Variants in SPATA1 observed in about 807,000 individuals in gnomAD.
SPATA1 encodes spermatogenesis associated 1, also known as spermatogenesis-associated protein 1.
Under a neutral mutation model 59.6 loss-of-function variants are expected in SPATA1, and 57 were observed. The observed-to-expected ratio is 0.96, with a 90% CI of 0.77 to 1.19. The LOEUF is 1.19. Among genes scored for constraint, SPATA1 ranks in the 50% most tolerant of loss-of-function variants. The pLI is 0.00. For missense variants in SPATA1, 448 were observed against 480.7 expected, an observed-to-expected ratio of 0.93 and a Z score of 0.64; for synonymous variants, 147 against 163.9, an observed-to-expected ratio of 0.90 and a Z score of 0.79.
intron 6 of SPATA1, among the ~76,000 whole-genome samples, chr1:84,531,188 A>G (rs1683449437): frequency 6.6e-6 from 1 of 152,062 alleles, no homozygotes; most frequent in Admixed American, 6.6e-5. Flanking sequence ...TGTTTGAGAC[A>G]GGGTCTCTCT....
intron 4 of SPATA1, chr1:84,564,031 T>TGTTTTCTCCTATTCAA: frequency 4.8e-6 from 1 of 209,742 alleles, no homozygotes; most frequent in Non-Finnish European, 8.3e-6. Flanking sequence ...TCTCTTTGAA[T>TGTTTTCTCCTATTCAA]AGGAGAAAAC....
At chr1:84,511,491 A>G (rs1351519920) in intron 1 of SPATA1, among the ~76,000 whole-genome samples, 3 of 151,746 alleles carry the variant, frequency 2.0e-5, no homozygotes, top group East Asian at 3.9e-4. Flanking sequence ...TCATTCCTCA[A>G]TTGGCTCTAG....
chr1:84,531,718 C>T (rs1165831620), intron 6 of SPATA1, among the ~76,000 whole-genome samples: 1 of 151,750 alleles, frequency 6.6e-6, no homozygotes, highest in African/African-American at 2.4e-5. Flanking sequence ...GGAACACAGG[C>T]ATGCACCACC....
At chr1:84,546,043 A>G (rs768446842) in intron 10 of SPATA1, among the ~76,000 whole-genome samples, 2 of 152,200 alleles carry the variant, frequency 1.3e-5, no homozygotes, top group Admixed American at 6.5e-5. Flanking sequence ...TCAAATGCCT[A>G]TTGAATCTGG....
At chr1:84,559,348 C>T (rs77227665), downstream of SPATA1, among the ~76,000 whole-genome samples, 3,916 of 152,258 alleles carry the variant, frequency 0.026, 81 homozygotes, top group Non-Finnish European at 0.043. Flanking sequence ...TGGCTAGGCG[C>T]GGTAGCTCAC....
At chr1:84,553,013 TGAAAAGTAA>T in intron 12 of SPATA1, 1 of 1,456,394 alleles carries the variant, frequency 6.9e-7, no homozygotes, top group Admixed American at 2.4e-5. Context: ...AGTTCATTTT[TGAAAAGTAA>T]TTCTTTTTAT....
chr1:84,549,354 G>A (rs1252459615), intron 11 of SPATA1, among the ~76,000 whole-genome samples: 1 of 152,042 alleles, frequency 6.6e-6, no homozygotes, highest in African/African-American at 2.4e-5. Flanking sequence ...CCTACCCCTG[G>A]ATGAGAAATA....
downstream of SPATA1, among the ~76,000 whole-genome samples, chr1:84,559,196 G>C (rs1456750773): frequency 2.6e-5 from 4 of 152,062 alleles, no homozygotes; most frequent in Non-Finnish European, 5.9e-5. Context: ...GTCACATTTT[G>C]GCAATTCTTA....
At chr1:84,540,597 T>C (rs1002827666) in intron 8 of SPATA1, among the ~76,000 whole-genome samples, 2 of 152,236 alleles carry the variant, frequency 1.3e-5, no homozygotes, top group Non-Finnish European at 2.9e-5. Flanking sequence ...CGTAGTCTTA[T>C]ACCCTCACTT....
Position 84,563,806 on chromosome 1 carries a change from T to A in SPATA1, n.443-2055T>A, listed in dbSNP as rs148638389. 8.5e-4 allele frequency: 1,367 copies of A among 1,608,306 alleles called. 2 individuals carry two copies. Among genetic ancestry groups the A allele is most frequent in the Admixed American group, 2.1e-3 (125 of 59,542 alleles). On this transcript the variant is annotated intron_variant and non_coding_transcript_variant, in intron 4 of 4. Coordinates refer to the SPATA1 transcript ENST00000460286. The stretch of plus-strand genomic sequence containing the variant: ...CCCATTACAAGTTTCTTAGGATTAA[T>A]GCTCATCTTGATGTAGTCATTATAT...
At chr1:84,554,695 T>C, downstream of SPATA1, 1 of 224,556 alleles carries the variant, frequency 4.5e-6, no homozygotes, top group Middle Eastern at 1.7e-3. Context: ...TATATTTTAC[T>C]ATAATGAAGG....
chr1:84,529,571 T>C (rs1283525880), intron 6 of SPATA1, among the ~76,000 whole-genome samples: 2 of 146,000 alleles, frequency 1.4e-5, no homozygotes, highest in African/African-American at 5.1e-5. Context: ...ATGCAGGTAA[T>C]ATGCCTTTTT....
chr1:84,538,045 C>T (rs1683770270), intron 8 of SPATA1, among the ~76,000 whole-genome samples: 1 of 152,162 alleles, frequency 6.6e-6, no homozygotes. Flanking sequence ...CATTACCAAC[C>T]TCCTGGACAA....
chr1:84,532,561 T>C (rs1683515200), intron 6 of SPATA1, among the ~76,000 whole-genome samples: 1 of 152,194 alleles, frequency 6.6e-6, no homozygotes, highest in Admixed American at 6.5e-5. Flanking sequence ...GATTTAGTTG[T>C]ACATGGAGAC....
At chr1:84,508,063 C>T (rs1051472578) in intron 1 of SPATA1, among the ~76,000 whole-genome samples, 7 of 152,084 alleles carry the variant, frequency 4.6e-5, no homozygotes, top group African/African-American at 4.8e-5. Context: ...GAGCAGATCA[C>T]GAGGTCAAGA....
intron 1 of SPATA1, 122 bp from the exon 2 acceptor site, chr1:84,516,101 C>T: frequency 2.7e-6 from 1 of 368,986 alleles, no homozygotes; most frequent in Non-Finnish European, 4.8e-6. Flanking sequence ...ATTACACAGT[C>T]CTATTTACTA....
chr1:84,549,322 C>T (rs1684197973), intron 11 of SPATA1, among the ~76,000 whole-genome samples: 2 of 152,058 alleles, frequency 1.3e-5, no homozygotes, highest in Non-Finnish European at 2.9e-5. Flanking sequence ...TTCCCTTTAT[C>T]CTAGGTAAGG....
rs1040216207 is a variant in SPATA1, at chr1:84,523,214, T to C, written c.261+707T>C. ...GCCACCTTGCCTGACTGGTGTCAAC[T>C]ATTATTTACTGAACACTCCTATTTG... On this transcript the variant is annotated intron_variant, in intron 4 of 12. Transcript: ENST00000490879. Among the ~76,000 whole-genome samples the C allele has an allele frequency of 5.9e-5, 9 of 152,236 alleles. No homozygotes were observed. The East Asian group carries it at 1.7e-3, about 29-fold the overall frequency.
chr1:84,513,044 A>G (rs1261180643), intron 1 of SPATA1, among the ~76,000 whole-genome samples: 1 of 152,258 alleles, frequency 6.6e-6, no homozygotes, highest in African/African-American at 2.4e-5. Context: ...CCCACATGTT[A>G]TATGTTAGGA....
Sources: allele counts gnomAD v4.1 joint callset (sites outside exome capture counted in the v4.1 genomes callset), GRCh38; gene constraint gnomAD v4.1.1; transcripts MANE v1.5; gene names NCBI Gene and HGNC (gene_info 2026-07-23, HGNC 2026-07-21).